The following CCNJL variants were observed in gnomAD, a reference collection of about 807,000 sequenced individuals.
The protein encoded by CCNJL is cyclin J like.
In CCNJL, 33 loss-of-function variants were observed where a neutral mutation model predicts 33.4. That is an observed-to-expected ratio of 0.99 (90% CI 0.75 to 1.32). The LOEUF is 1.32. CCNJL is among the 40% of genes most tolerant of loss of function. The pLI, the probability that CCNJL is intolerant of heterozygous loss-of-function variation, is 0.00. For missense variants in CCNJL, 512 were observed against 499.7 expected (o/e 1.02, Z -0.23); for synonymous variants, 227 against 220.9 (o/e 1.03, Z -0.24).
intron 2 of CCNJL, among the ~76,000 whole-genome samples, chr5:160,298,778 T>C (rs1029233939): frequency 3.3e-5 from 5 of 152,096 alleles, no homozygotes; most frequent in African/African-American, 9.7e-5. Flanking sequence ...GCGAAGTGTA[T>C]AAACCAATCT....
chr5:160,253,124 G>A lies in CCNJL; in HGVS notation c.*254C>T. 2.5e-6 allele frequency: 1 copy of A among 395,874 alleles called. No individual in the cohort carries two copies. 24.5% of individuals were successfully genotyped at this position (395,874 alleles called of 1,614,324 possible). A position where few individuals can be genotyped will look rare whatever the true frequency, so the allele number is the denominator to read the frequency against. The stretch of plus-strand genomic sequence containing the variant: ...TCGATTCACTGGGCCCCTGTGTGGG[G>A]GGACGGCCACCAAGCCATCCTTTTG... On this transcript the variant is annotated 3_prime_UTR_variant, in exon 6 of 6. Coordinates refer to ENST00000257536, the MANE Select transcript of CCNJL (RefSeq NM_001308173.3).
Position 160,280,892 on chromosome 5 carries a change from G to A in CCNJL, c.67-154C>T, listed in dbSNP as rs561110535. On this transcript the variant is annotated intron_variant, in intron 2 of 5. Coordinates refer to ENST00000257536, the MANE Select transcript of CCNJL (RefSeq NM_001308173.3). The stretch of plus-strand genomic sequence containing the variant: ...CTGCAAGTCCCAGGATGGCAGCCCC[G>A]CCTGGGCTATCTCCCATCTGCTTTC... 92 of 706,684 alleles carry A rather than the reference G, an allele frequency of 1.3e-4. 1 individual carries two copies. The highest frequency in any genetic ancestry group is 1.0e-3 in the South Asian group (68 of 66,842). 43.8% of individuals were successfully genotyped at this position (706,684 alleles called of 1,614,324 possible). A position where few individuals can be genotyped will look rare whatever the true frequency, so the allele number is the denominator to read the frequency against.
chr5:160,254,555 A>AGG, intron 5 of CCNJL: 1 of 433,114 alleles, frequency 2.3e-6, no homozygotes, highest in Non-Finnish European at 4.1e-6. Flanking sequence ...CACATCGGGG[A>AGG]GGGCTCTCTT....
intron 3 of CCNJL, among the ~76,000 whole-genome samples, chr5:160,264,541 G>T (rs1761491741): frequency 1.3e-5 from 2 of 151,622 alleles, no homozygotes; most frequent in Admixed American, 1.3e-4. Flanking sequence ...TTACAGACTG[G>T]CTTTTTTTTT....
chr5:160,338,255 C>T (rs1489375765), intron 1 of CCNJL, among the ~76,000 whole-genome samples: 6 of 152,082 alleles, frequency 3.9e-5, no homozygotes, highest in Non-Finnish European at 7.4e-5. Context: ...AAAAAGCTAA[C>T]TGGGTGTGGT....
At chr5:160,305,250 TA>T (rs910368824) in intron 2 of CCNJL, among the ~76,000 whole-genome samples, 4 of 152,240 alleles carry the variant, frequency 2.6e-5, no homozygotes, top group South Asian at 2.1e-4. Context: ...CAGGAGTCAC[TA>T]AAAAAATAAT....
chr5:160,326,464 C>T (rs1235408648), intron 1 of CCNJL, among the ~76,000 whole-genome samples: 48 of 116,596 alleles, frequency 4.1e-4, no homozygotes, highest in African/African-American at 8.2e-4. Flanking sequence ...CCAGCCTGGG[C>T]GACAGAGCTA....
At chr5:160,332,561 C>G (rs1763622695) in intron 1 of CCNJL, among the ~76,000 whole-genome samples, 1 of 152,204 alleles carries the variant, frequency 6.6e-6, no homozygotes, top group Non-Finnish European at 1.5e-5. Context: ...CGGTCCCCAC[C>G]CTGTCCACCT....
intron 1 of CCNJL, among the ~76,000 whole-genome samples, chr5:160,320,803 TTCTTTCTTTC>T (rs1763433608): frequency 1.4e-5 from 1 of 71,150 alleles, no homozygotes; most frequent in African/African-American, 5.0e-5. Flanking sequence ...CTTTCTTTCT[TTCTTTCTTTC>T]TTTCTTTCTT....
intron 2 of CCNJL, among the ~76,000 whole-genome samples, chr5:160,297,364 G>C (rs1191038561): frequency 6.8e-6 from 1 of 147,262 alleles, no homozygotes; most frequent in Non-Finnish European, 1.5e-5. Flanking sequence ...CCCCACAGTT[G>C]AAGCCAGCAA....
intron 2 of CCNJL, among the ~76,000 whole-genome samples, chr5:160,303,503 G>A (rs1762989779): frequency 6.7e-6 from 1 of 149,716 alleles, no homozygotes; most frequent in African/African-American, 2.5e-5. Flanking sequence ...ACTGCACTCG[G>A]CCGGTATTTT....
chr5:160,309,139 T>A lies in CCNJL; in HGVS notation c.66+2719A>T, dbSNP rs559513366. Among the ~76,000 whole-genome samples the A allele has an allele frequency of 2.6e-5, 4 of 152,360 alleles. No homozygotes were observed. The East Asian group carries it at 7.7e-4, about 29-fold the overall frequency. On this transcript the variant is annotated intron_variant, in intron 2 of 5. Coordinates refer to ENST00000257536, the MANE Select transcript of CCNJL (RefSeq NM_001308173.3). ...GTGCAGTGAGATGACATTGGAGGTC[T>A]TTAAGCAGAGAATGACACAATCTAA...
At chr5:160,321,038 C>CTTTCTT (rs1763451933) in intron 1 of CCNJL, among the ~76,000 whole-genome samples, 2 of 88,884 alleles carry the variant, frequency 2.3e-5, no homozygotes, top group Non-Finnish European at 4.0e-5. Context: ...TTCTTTCTTT[C>CTTTCTT]TTTCTTTCTT....
At chr5:160,306,535 A>C (rs1276302654) in intron 2 of CCNJL, among the ~76,000 whole-genome samples, 2 of 152,178 alleles carry the variant, frequency 1.3e-5, no homozygotes, top group South Asian at 2.1e-4. Flanking sequence ...GCTCATGTCA[A>C]GCAGAGCTTA....
intron 1 of CCNJL, chr5:160,339,433 A>G: frequency 2.3e-6 from 1 of 441,818 alleles, no homozygotes; most frequent in Non-Finnish European, 4.6e-6. Flanking sequence ...AAATACATTA[A>G]GATTTACTTA....
intron 5 of CCNJL, 33 bp from the exon 6 acceptor site, chr5:160,253,831 G>A: frequency 6.8e-7 from 1 of 1,474,968 alleles, no homozygotes; most frequent in Non-Finnish European, 9.0e-7. Context: ...AGAACTGGAG[G>A]CCAAAAGCCA....
At position 160,332,693 on chromosome 5, in the gene CCNJL, C is replaced by T. The variant is rs144963389; in HGVS notation, n.206+6752G>A. On this transcript the variant is annotated intron_variant and non_coding_transcript_variant, in intron 1 of 7. Coordinates refer to the CCNJL transcript ENST00000377503. Reference sequence around the variant, plus strand: ...TCTGTACAGCCAGCTCTCCAATATCCTTCAAGTTTTTACTCCATGTCATCT... The same window carrying T: ...TCTGTACAGCCAGCTCTCCAATATCTTTCAAGTTTTTACTCCATGTCATCT... 1.3e-4 allele frequency among the ~76,000 whole-genome samples: 20 copies of T among 152,304 alleles called. No homozygotes were observed. The East Asian group carries it at 3.1e-3, about 23-fold the overall frequency.
intron 3 of CCNJL, among the ~76,000 whole-genome samples, chr5:160,266,376 G>A (rs1761588018): frequency 6.6e-6 from 1 of 152,244 alleles, no homozygotes; most frequent in Admixed American, 6.5e-5. Context: ...TCCTGGAGTG[G>A]AGAAAAGTAG....
intron 5 of CCNJL, chr5:160,255,237 C>T (rs550239369): frequency 1.4e-4 from 25 of 173,830 alleles, no homozygotes; most frequent in Middle Eastern, 2.5e-3. Flanking sequence ...CGCTTGAACC[C>T]GGGAGGCGGA....
Sources: gnomAD v4.1 joint callset for allele counts (sites outside exome capture counted in the v4.1 genomes callset) on GRCh38, gnomAD v4.1.1 for gene constraint, MANE v1.5 for transcripts, NCBI Gene and HGNC (gene_info 2026-07-23, HGNC 2026-07-21) for gene names.